Variants in CEMIP2 observed in about 807,000 individuals in gnomAD.
CEMIP2 encodes cell migration inducing hyaluronidase 2.
A neutral mutation model predicts 146.9 loss-of-function variants in CEMIP2; 79 were observed. The ratio of observed to expected loss-of-function variants is 0.54; its 90% confidence interval spans 0.45 to 0.65. CEMIP2 has a LOEUF of 0.65. CEMIP2 is among the 30% of genes least tolerant of loss of function. The pLI is 0.00. For synonymous variants in CEMIP2, 601 were observed against 606.3 expected (o/e 0.99, Z 0.13); for missense variants, 1,596 against 1,696.2 (o/e 0.94, Z 1.04).
intron 10 of CEMIP2, among the ~76,000 whole-genome samples, 184 bp from the exon 11 acceptor site, chr9:71,725,893 T>C (rs1357444129): frequency 1.3e-5 from 2 of 152,348 alleles, no homozygotes; most frequent in East Asian, 3.9e-4. Context: ...TCATGTATTT[T>C]TTTAAAAAAG....
intron 1 of CEMIP2, among the ~76,000 whole-genome samples, chr9:71,755,189 T>G (rs1403525714): frequency 6.7e-6 from 1 of 149,156 alleles, no homozygotes; most frequent in East Asian, 1.9e-4. Context: ...AATCATGCTT[T>G]TTTTTTTTTT....
chr9:71,745,098 G>A lies in CEMIP2; in HGVS notation c.954C>T (p.Ala318=), dbSNP rs761361270. 2 of 1,613,960 alleles carry A rather than the reference G, an allele frequency of 1.2e-6. No homozygotes were observed. Among genetic ancestry groups the A allele is most frequent in the East Asian group, 2.2e-5 (1 of 44,898 alleles). Residue 318 remains alanine, a synonymous_variant, in exon 4 of 24, where the codon GCC becomes GCT. Coordinates refer to ENST00000377044, the MANE Select transcript of CEMIP2 (RefSeq NM_013390.3). ...RIVAIAVGDS[A]AKSLLQGTIQ... ...TGGTTCCTTGTAAGAGACTTTTAGC[G>A]GCTGAATCCCCGACAGCTATGGCAA...
At chr9:71,730,581 A>T (rs1823587080) in intron 8 of CEMIP2, 124 bp downstream of exon 8, 2 of 1,019,390 alleles carry the variant, frequency 2.0e-6, no homozygotes, top group Admixed American at 5.8e-5. Context: ...GAATGCTCAG[A>T]AAAGGCAGGA....
At chr9:71,735,456 T>C (rs1015423956) in intron 5 of CEMIP2, among the ~76,000 whole-genome samples, 2 of 152,074 alleles carry the variant, frequency 1.3e-5, no homozygotes, top group African/African-American at 4.8e-5. Context: ...GAAAAATGGA[T>C]AGAACATTAG....
intron 10 of CEMIP2, among the ~76,000 whole-genome samples, chr9:71,729,136 G>A (rs1003598200): frequency 1.3e-5 from 2 of 151,928 alleles, no homozygotes; most frequent in Admixed American, 1.3e-4. Flanking sequence ...CACTGTGCCT[G>A]ACGTAAGCCT....
In CEMIP2 at chr9:71,717,958, G is replaced by T; in HGVS notation, c.2389C>A (p.Gln797Lys). Residue 797 changes from glutamine (Q) to lysine (K), a missense_variant, in exon 13 of 24, where the codon CAA becomes AAA. Physicochemically the swap from Gln to Lys is moderately conservative, Grantham distance 53. Coordinates refer to ENST00000377044, the MANE Select transcript of CEMIP2 (RefSeq NM_013390.3). ...AWVRGGDIIVQNSAFADNGIG... is the reference protein window; with the variant it reads ...AWVRGGDIIVKNSAFADNGIG... ...GTAGAGAATACCCACGCTGAATTTTGAACGATAATATCTCCTCCTCTGACC... is the reference window on the plus strand; with the variant it reads ...GTAGAGAATACCCACGCTGAATTTTTAACGATAATATCTCCTCCTCTGACC... The T allele has an allele frequency of 6.2e-7, 1 of 1,605,290 alleles. No individual in the cohort carries two copies. Among genetic ancestry groups the T allele is most frequent in the South Asian group, 1.1e-5 (1 of 88,754 alleles).
At chr9:71,708,022 T>C (rs1822801050) in intron 17 of CEMIP2, among the ~76,000 whole-genome samples, 1 of 151,880 alleles carries the variant, frequency 6.6e-6, no homozygotes, top group African/African-American at 2.4e-5. Context: ...CCGTCTCTAT[T>C]AAAAATACAA....
intron 4 of CEMIP2, among the ~76,000 whole-genome samples, chr9:71,743,203 C>T (rs1425445829): frequency 1.3e-5 from 2 of 152,132 alleles, no homozygotes; most frequent in Non-Finnish European, 2.9e-5. Flanking sequence ...GAAAAACAGG[C>T]AAACCTAAAC....
At chr9:71,728,842 T>TG (rs71353513) in intron 10 of CEMIP2, among the ~76,000 whole-genome samples, 87 of 151,222 alleles carry the variant, frequency 5.8e-4, no homozygotes, top group Non-Finnish European at 9.4e-4. Context: ...TGTGTGTGTG[T>TG]TTTTATTGAC....
Position 71,730,273 on chromosome 9 carries a change from TTAA to T in CEMIP2, c.1774-23_1774-21del, listed in dbSNP as rs1823578193. 6.2e-7 allele frequency: 1 copy of T among 1,603,564 alleles called. No homozygotes were observed. ...TTTTATCTGCAGAAATAAAAGTATA[TTAA>T]TGTCATTGGTAACAAGAATGATTGT... On this transcript the variant is annotated intron_variant, in intron 8 of 23. Transcript: ENST00000377044.
chr9:71,733,090 A>G (rs1037481173), intron 6 of CEMIP2, among the ~76,000 whole-genome samples: 2 of 152,126 alleles, frequency 1.3e-5, no homozygotes, highest in African/African-American at 2.4e-5. Context: ...AGTCCATAAA[A>G]CAAATGGTGT....
intron 1 of CEMIP2, among the ~76,000 whole-genome samples, chr9:71,753,004 C>T (rs1201903798): frequency 6.7e-6 from 1 of 148,790 alleles, no homozygotes; most frequent in Non-Finnish European, 1.5e-5. Context: ...ATTCAAGGTG[C>T]TATTGAAGAA....
intron 22 of CEMIP2, among the ~76,000 whole-genome samples, chr9:71,687,889 C>T (rs886804573): frequency 1.3e-5 from 2 of 152,110 alleles, no homozygotes; most frequent in Non-Finnish European, 2.9e-5. Flanking sequence ...AGGGTCCTTG[C>T]TCTGTCACCC....
Position 71,750,319 on chromosome 9 carries a change from C to T in CEMIP2, c.55G>A (p.Gly19Arg), listed in dbSNP as rs756596438. 14 of 1,613,768 alleles carry T rather than the reference C, an allele frequency of 8.7e-6. No individual in the cohort carries two copies. The East Asian group carries it at 1.8e-4, about 21-fold the overall frequency. Reference sequence around the variant, plus strand: ...TAGCCAGATGGGTGACGACTATTTCCATTCTGAGGTTGGAGGAAAGCAGGG... The same window carrying T: ...TAGCCAGATGGGTGACGACTATTTCTATTCTGAGGTTGGAGGAAAGCAGGG... ...HSPAFLQPQN[G>R]NSRHPSGYVP... Residue 19 changes from glycine to arginine, a missense_variant, in exon 2 of 24, where the codon GGA (glycine) becomes AGA (arginine). Coordinates refer to ENST00000377044, the MANE Select transcript of CEMIP2 (RefSeq NM_013390.3).
chr9:71,697,560 T>C (rs922905167), intron 20 of CEMIP2, among the ~76,000 whole-genome samples: 2 of 152,314 alleles, frequency 1.3e-5, no homozygotes, highest in Middle Eastern at 3.4e-3. Context: ...ATTTCCACCT[T>C]ATAAAAAGGA....
chr9:71,703,633 T>A (rs1309614355), intron 18 of CEMIP2, among the ~76,000 whole-genome samples: 1 of 152,180 alleles, frequency 6.6e-6, no homozygotes, highest in African/African-American at 2.4e-5. Context: ...CATGGGTTAA[T>A]AGCCACATGT....
intron 12 of CEMIP2, among the ~76,000 whole-genome samples, chr9:71,719,783 AC>A (rs905151843): frequency 2.0e-5 from 3 of 149,462 alleles, no homozygotes; most frequent in Admixed American, 6.8e-5. Context: ...TGTAGTCATT[AC>A]ATAATAGTAA....
intron 2 of CEMIP2, among the ~76,000 whole-genome samples, chr9:71,746,773 A>G (rs1210801476): frequency 1.3e-5 from 2 of 152,206 alleles, no homozygotes; most frequent in South Asian, 2.1e-4. Context: ...TAATACATTG[A>G]TCAGGTCTTC....
intron 10 of CEMIP2, among the ~76,000 whole-genome samples, chr9:71,728,274 T>TAC (rs1823481284): frequency 2.0e-4 from 2 of 9,896 alleles, no homozygotes; most frequent in Non-Finnish European, 3.0e-4. Flanking sequence ...TATATATATA[T>TAC]ATATATGTAT....
Sources: allele counts gnomAD v4.1 joint callset (sites outside exome capture counted in the v4.1 genomes callset), GRCh38; gene constraint gnomAD v4.1.1; transcripts MANE v1.5; gene names NCBI Gene and HGNC (gene_info 2026-07-23, HGNC 2026-07-21).